The following MRAP2 variants were observed in gnomAD, a reference collection of about 807,000 sequenced individuals.
MRAP2 encodes the protein melanocortin-2 receptor accessory protein 2.
A neutral mutation model predicts 17.4 loss-of-function variants in MRAP2; 20 were observed. That is an observed-to-expected ratio of 1.15 (90% CI 0.81 to 1.67). The LOEUF (loss-of-function observed/expected upper bound fraction) is 1.67. Among genes scored for constraint, MRAP2 ranks in the 40% most tolerant of loss-of-function variants. The pLI is 0.00. For missense variants in MRAP2, 238 were observed against 240.0 expected, an observed-to-expected ratio of 0.99 and a Z score of 0.05; for synonymous variants, 96 against 88.4, an observed-to-expected ratio of 1.09 and a Z score of -0.48.
the MRAP2 span, among the ~76,000 whole-genome samples, chr6:84,129,783 A>G: frequency 6.6e-6 from 1 of 152,160 alleles, no homozygotes; most frequent in Non-Finnish European, 1.5e-5. Context: ...TTTTCTAAAT[A>G]TACAATTGTG....
At chr6:84,064,550 C>T (rs978315586) in intron 3 of MRAP2, among the ~76,000 whole-genome samples, 4 of 152,088 alleles carry the variant, frequency 2.6e-5, no homozygotes, top group Admixed American at 6.5e-5. Flanking sequence ...TGCAGTGGCG[C>T]CATCTTGGCT....
rs73483238 is a variant in MRAP2, at chr6:84,064,341, G to T, written c.227+1349G>T. On this transcript the variant is annotated intron_variant, in intron 3 of 3. Coordinates refer to ENST00000257776, the MANE Select transcript of MRAP2 (RefSeq NM_138409.4). Reference sequence around the variant, plus strand: ...TCCCTCCTTCCCATTTCTCACCATTGCTCCCCACTGGCTGAACACAACCAG... The same window carrying T: ...TCCCTCCTTCCCATTTCTCACCATTTCTCCCCACTGGCTGAACACAACCAG... 2.9e-3 allele frequency among the ~76,000 whole-genome samples: 443 copies of T among 152,128 alleles called. 1 individual carries two copies. Among genetic ancestry groups the T allele is most frequent in the African/African-American group, 0.01 (423 of 41,478 alleles).
the MRAP2 span, among the ~76,000 whole-genome samples, chr6:84,098,665 A>G: frequency 1.1e-4 from 16 of 152,292 alleles, no homozygotes; most frequent in East Asian, 9.6e-4. Context: ...TCATTCTAAT[A>G]TGCATGTGTA....
At chr6:84,126,580 C>A in the MRAP2 span, 1 of 1,179,466 alleles carries the variant, frequency 8.5e-7, no homozygotes, top group South Asian at 1.7e-5. Context: ...TCTTGAAAAT[C>A]AGAATATTTG....
chr6:84,036,997 A>G (rs1290028524), intron 1 of MRAP2, among the ~76,000 whole-genome samples: 1 of 152,096 alleles, frequency 6.6e-6, no homozygotes, highest in African/African-American at 2.4e-5. Flanking sequence ...ACAAACCTTG[A>G]GCTAGACACA....
the MRAP2 span, among the ~76,000 whole-genome samples, chr6:84,126,195 G>A: frequency 6.6e-6 from 1 of 151,904 alleles, no homozygotes; most frequent in Non-Finnish European, 1.5e-5. Flanking sequence ...CAATCTTCAA[G>A]CACTTGAGAT....
At chr6:84,126,329 C>T in the MRAP2 span, 1 of 1,366,678 alleles carries the variant, frequency 7.3e-7, no homozygotes, top group Non-Finnish European at 9.7e-7. Context: ...AAATTAAAGG[C>T]ACTTAAAAGT....
chr6:84,124,964 T>C, the MRAP2 span: 2 of 859,150 alleles, frequency 2.3e-6, no homozygotes, highest in Middle Eastern at 2.9e-4. Context: ...GTTTGCTTTC[T>C]GGAAACATAT....
At chr6:84,109,665 A>G in the MRAP2 span, among the ~76,000 whole-genome samples, 2 of 152,106 alleles carry the variant, frequency 1.3e-5, no homozygotes, top group Non-Finnish European at 2.9e-5. Context: ...GTTTTGTTAC[A>G]TAGGTATACA....
At chr6:84,050,413 G>T (rs1446758799) in intron 1 of MRAP2, among the ~76,000 whole-genome samples, 1 of 152,198 alleles carries the variant, frequency 6.6e-6, no homozygotes, top group African/African-American at 2.4e-5. Flanking sequence ...AGAAGATCCA[G>T]CTGGCTCAGA....
intron 3 of MRAP2, among the ~76,000 whole-genome samples, chr6:84,079,131 C>T (rs778935124): frequency 5.3e-5 from 8 of 152,194 alleles, no homozygotes; most frequent in African/African-American, 1.2e-4. Context: ...GCTTTACTCA[C>T]ATAGTCCCAA....
At chr6:84,076,018 C>G (rs2099497499) in intron 3 of MRAP2, among the ~76,000 whole-genome samples, 1 of 151,998 alleles carries the variant, frequency 6.6e-6, no homozygotes, top group African/African-American at 2.4e-5. Context: ...GGTAGAAAAT[C>G]TATTTTATGT....
the MRAP2 span, among the ~76,000 whole-genome samples, chr6:84,133,459 G>A: frequency 6.6e-6 from 1 of 152,216 alleles, no homozygotes. Flanking sequence ...GCCCCCAGAG[G>A]TGGAGTCTAT....
intron 3 of MRAP2, among the ~76,000 whole-genome samples, chr6:84,081,905 T>C (rs1588658572): frequency 6.6e-6 from 1 of 152,234 alleles, no homozygotes; most frequent in Non-Finnish European, 1.5e-5. Context: ...TGTGCCTTGC[T>C]TTCCCTCTGC....
intron 3 of MRAP2, among the ~76,000 whole-genome samples, chr6:84,084,909 T>A (rs923514088): frequency 9.2e-6 from 1 of 108,568 alleles, no homozygotes; most frequent in African/African-American, 4.0e-5. Flanking sequence ...TTTTATTTTA[T>A]TTTATTTATT....
chr6:84,045,748 C>G (rs1056214739), intron 1 of MRAP2, among the ~76,000 whole-genome samples: 2 of 150,856 alleles, frequency 1.3e-5, no homozygotes, highest in South Asian at 4.2e-4. Flanking sequence ...GTGTGAGGAG[C>G]AAGACTGTCT....
At chr6:84,067,655 A>G (rs946109477) in intron 3 of MRAP2, among the ~76,000 whole-genome samples, 3 of 149,364 alleles carry the variant, frequency 2.0e-5, no homozygotes, top group Admixed American at 6.7e-5. Context: ...ATTTTTTCAT[A>G]TATCTGTTGG....
the MRAP2 span, among the ~76,000 whole-genome samples, chr6:84,120,831 A>ATAAC: frequency 2.0e-5 from 3 of 152,160 alleles, no homozygotes; most frequent in African/African-American, 7.2e-5. Flanking sequence ...TAAATTATTT[A>ATAAC]TAACTTAAAA....
intron 1 of MRAP2, among the ~76,000 whole-genome samples, chr6:84,046,748 T>A (rs1489202084): frequency 4.2e-5 from 5 of 118,832 alleles, no homozygotes; most frequent in Non-Finnish European, 6.3e-5. Context: ...GCCACTGCAC[T>A]CCAGCCTGGG....
Sources: allele counts gnomAD v4.1 joint callset (sites outside exome capture counted in the v4.1 genomes callset), GRCh38; gene constraint gnomAD v4.1.1; transcripts MANE v1.5; gene names NCBI Gene and HGNC (gene_info 2026-07-23, HGNC 2026-07-21).